TMEM132D: variants seen among roughly 807,000 people sequenced by gnomAD.
The protein encoded by TMEM132D is mature OL transmembrane protein.
In TMEM132D, 21 loss-of-function variants were observed where a neutral mutation model predicts 62.3. The observed-to-expected ratio is 0.34, with a 90% confidence interval of 0.24 to 0.49. The LOEUF is 0.49. Among genes scored for constraint, TMEM132D ranks in the 20% least tolerant of loss-of-function variants. TMEM132D has a pLI of 0.99. For missense variants in TMEM132D, 1,346 were observed against 1,402.8 expected (o/e 0.96, Z 0.65); for synonymous variants, 621 against 575.6 (o/e 1.08, Z -1.13).
At chr12:129,150,251 TGGA>T (rs927117046) in intron 5 of TMEM132D, among the ~76,000 whole-genome samples, 21 of 152,246 alleles carry the variant, frequency 1.4e-4, no homozygotes, top group Middle Eastern at 3.4e-3. Flanking sequence ...GTGTGCTGGG[TGGA>T]GGAGAAGTCA....
intron 4 of TMEM132D, among the ~76,000 whole-genome samples, chr12:129,314,833 C>T (rs536838107): frequency 7.2e-5 from 11 of 152,102 alleles, no homozygotes; most frequent in South Asian, 2.1e-4. Context: ...AGAGGTCTTT[C>T]GACTTCTTGG....
chr12:129,799,386 GTATATATACATATTATATATGTATATATA>G lies in TMEM132D; in HGVS notation c.80-98717_80-98689del, dbSNP rs1565989690. 6.6e-4 allele frequency among the ~76,000 whole-genome samples: 99 copies of G among 150,926 alleles called. 3 individuals are homozygous for G. Among genetic ancestry groups the G allele is most frequent in the East Asian group, 3.3e-3 (17 of 5,104 alleles). ...TGTGTATATATGTGTATATATATGT[GTATATATACATATTATATATGTATATATA>G]TGTGTATATATGTGTATATATGTAT... is the stretch of plus-strand genomic sequence containing the variant. On this transcript the variant is annotated intron_variant, in intron 1 of 8. Transcript: ENST00000422113.
At chr12:129,328,592 T>C (rs1249795011) in intron 4 of TMEM132D, among the ~76,000 whole-genome samples, 1 of 152,198 alleles carries the variant, frequency 6.6e-6, no homozygotes, top group African/African-American at 2.4e-5. Flanking sequence ...AGGCAACAGA[T>C]TGGGCTGAAA....
chr12:129,436,592 GTATT>G (rs1303806330), intron 3 of TMEM132D, among the ~76,000 whole-genome samples: 1 of 152,144 alleles, frequency 6.6e-6, no homozygotes, highest in African/African-American at 2.4e-5. Flanking sequence ...CTTCTGAGTG[GTATT>G]TAAACAATTT....
intron 2 of TMEM132D, among the ~76,000 whole-genome samples, chr12:129,581,032 C>T (rs1364129890): frequency 2.0e-5 from 3 of 152,148 alleles, no homozygotes; most frequent in African/African-American, 7.2e-5. Flanking sequence ...ATTTGATCTG[C>T]AATGTTGGAG....
intron 1 of TMEM132D, among the ~76,000 whole-genome samples, chr12:129,732,473 G>A (rs925289132): frequency 8.5e-5 from 13 of 152,178 alleles, no homozygotes; most frequent in Admixed American, 2.6e-4. Flanking sequence ...CAGAGGGGCC[G>A]ATGCCTCAGA....
rs143508558 is a variant in TMEM132D at position 129,547,784 on chromosome 12, G to A, written c.969-16579C>T. ...CTAAAAGAGTCTTGTCTGAAAACTG[G>A]TATAACTTTGTAAGAGTTGTTATGA... On this transcript the variant is annotated intron_variant, in intron 2 of 8. Transcript: ENST00000422113. 1.6e-4 allele frequency among the ~76,000 whole-genome samples: 25 copies of A among 152,270 alleles called. 1 individual carries two copies. Among genetic ancestry groups the A allele is most frequent in the African/African-American group, 5.8e-4 (24 of 41,548 alleles).
In TMEM132D at chr12:129,405,545, G is replaced by A. The variant is rs111502172; in HGVS notation, c.1116-67728C>T. Among the ~76,000 whole-genome samples the A allele has an allele frequency of 1.4e-3, 209 of 152,254 alleles. 1 individual carries two copies. The highest frequency in any genetic ancestry group is 3.8e-3 in the African/African-American group (156 of 41,548). ...CCCGACAGAGGCATGGAGGTGGGTC[G>A]GGAGGTCCTGAGTGGCCCCACTGCA... On this transcript the variant is annotated intron_variant, in intron 3 of 8. Transcript: ENST00000422113.
intron 5 of TMEM132D, among the ~76,000 whole-genome samples, chr12:129,095,794 C>A (rs1296572125): frequency 6.6e-6 from 1 of 152,164 alleles, no homozygotes; most frequent in African/African-American, 2.4e-5. Context: ...CCCGCACACA[C>A]CTAATCTCTG....
intron 2 of TMEM132D, among the ~76,000 whole-genome samples, chr12:129,636,958 A>G (rs1307725865): frequency 1.3e-5 from 2 of 152,162 alleles, no homozygotes; most frequent in Non-Finnish European, 2.9e-5. Context: ...TTATGTACAT[A>G]GAAGAAACAA....
chr12:129,666,849 T>C (rs1437915226), intron 2 of TMEM132D, among the ~76,000 whole-genome samples: 1 of 152,136 alleles, frequency 6.6e-6, no homozygotes, highest in Non-Finnish European at 1.5e-5. Flanking sequence ...GTGTTTTTGG[T>C]AAAAGATAAT....
chr12:129,207,043 C>G (rs748411284), intron 5 of TMEM132D, among the ~76,000 whole-genome samples: 1 of 152,128 alleles, frequency 6.6e-6, no homozygotes, highest in Non-Finnish European at 1.5e-5. Flanking sequence ...AATCAAAGCC[C>G]TGTGACACGC....
chr12:129,456,339 A>G (rs924931603), intron 3 of TMEM132D, among the ~76,000 whole-genome samples: 1 of 152,170 alleles, frequency 6.6e-6, no homozygotes, highest in Non-Finnish European at 1.5e-5. Context: ...TGTTGTCATT[A>G]TTATTATAAT....
In TMEM132D at chr12:129,167,855, A is replaced by G. The variant is rs149152384; in HGVS notation, c.1443+41665T>C. ...GGAGCTCCAGGAAGTGAAAAGAACCACACTTTATTCGGAATCCTAAAGGAG... is the reference window on the plus strand; with the variant it reads ...GGAGCTCCAGGAAGTGAAAAGAACCGCACTTTATTCGGAATCCTAAAGGAG... On this transcript the variant is annotated intron_variant, in intron 5 of 8. Transcript: ENST00000422113. Among the ~76,000 whole-genome samples the G allele has an allele frequency of 2.9e-3, 435 of 152,240 alleles. 6 individuals are homozygous for G. The highest frequency in any genetic ancestry group is 0.01 in the African/African-American group (422 of 41,544).
At chr12:129,692,057 C>G (rs1164210121) in intron 2 of TMEM132D, among the ~76,000 whole-genome samples, 2 of 152,048 alleles carry the variant, frequency 1.3e-5, no homozygotes, top group Non-Finnish European at 2.9e-5. Flanking sequence ...TCTACACACT[C>G]TCTCCGAGCA....
chr12:129,694,212 G>C (rs1881139261), intron 2 of TMEM132D, among the ~76,000 whole-genome samples: 1 of 152,138 alleles, frequency 6.6e-6, no homozygotes, highest in Non-Finnish European at 1.5e-5. Flanking sequence ...CAAGTCCTGT[G>C]GGCTGTACGC....
intron 3 of TMEM132D, among the ~76,000 whole-genome samples, chr12:129,468,011 C>T (rs1017445721): frequency 6.6e-6 from 1 of 152,146 alleles, no homozygotes; most frequent in Non-Finnish European, 1.5e-5. Context: ...GAGAAGAGCA[C>T]ACACGTGACA....
At chr12:129,579,519 T>C (rs1280474356) in intron 2 of TMEM132D, among the ~76,000 whole-genome samples, 1 of 152,208 alleles carries the variant, frequency 6.6e-6, no homozygotes, top group East Asian at 1.9e-4. Context: ...TCCTCTAGTC[T>C]GTGGCTAAAG....
At chr12:129,180,819 G>C (rs1878043898) in intron 5 of TMEM132D, among the ~76,000 whole-genome samples, 1 of 152,114 alleles carries the variant, frequency 6.6e-6, no homozygotes, top group African/African-American at 2.4e-5. Flanking sequence ...GTGTGGCTGG[G>C]GCATGGTAAG....
Sources: allele counts gnomAD v4.1 joint callset (sites outside exome capture counted in the v4.1 genomes callset), GRCh38; gene constraint gnomAD v4.1.1; transcripts MANE v1.5; gene names NCBI Gene and HGNC (gene_info 2026-07-23, HGNC 2026-07-21).